Variants in UGP2 observed in about 807,000 individuals in gnomAD.
The protein encoded by UGP2 is UTP--glucose-1-phosphate uridylyltransferase.
UGP2 carries 40 observed loss-of-function variants against 49.0 expected under a neutral mutation model. The ratio of observed to expected loss-of-function variants is 0.82; its 90% CI spans 0.63 to 1.06. The LOEUF (loss-of-function observed/expected upper bound fraction) is 1.06, where lower values mean the gene tolerates loss of function less well. Among genes scored for constraint, UGP2 ranks in the 50% least tolerant of loss-of-function variants. The probability of loss-of-function intolerance (pLI) is 0.00; values close to 1 mark genes in which losing one functional copy is unlikely to be tolerated. For synonymous variants in UGP2, 225 were observed against 213.0 expected (o/e 1.06, Z -0.49); for missense variants, 460 against 603.5 (o/e 0.76, Z 2.49).
intron 1 of UGP2, among the ~76,000 whole-genome samples, chr2:63,853,086 G>T (rs1234495451): frequency 3.3e-5 from 5 of 152,068 alleles, no homozygotes; most frequent in Non-Finnish European, 5.9e-5. Context: ...AAATGGTCTG[G>T]GGACAGAATT....
At chr2:63,849,704 A>G (rs1310044812) in intron 1 of UGP2, among the ~76,000 whole-genome samples, 2 of 152,216 alleles carry the variant, frequency 1.3e-5, no homozygotes, top group Non-Finnish European at 2.9e-5. Flanking sequence ...ATGTAAATAC[A>G]CTGTAACTGA....
intron 7 of UGP2, among the ~76,000 whole-genome samples, 159 bp downstream of exon 7, chr2:63,886,697 C>T (rs1309580864): frequency 1.3e-5 from 2 of 152,148 alleles, no homozygotes; most frequent in African/African-American, 4.8e-5. Context: ...CCAGAATCTG[C>T]TGTCACCCCT....
In UGP2 at chr2:63,879,493, A is replaced by G. The variant is rs564947148; in HGVS notation, c.256-2973A>G. On this transcript the variant is annotated intron_variant, in intron 3 of 9. Coordinates refer to ENST00000337130, the MANE Select transcript of UGP2 (RefSeq NM_006759.4). ...GAATATTCAAATAACAACAAACTCA[A>G]TGATATCCCTTGTTTAAGTTCCTGA... is the stretch of plus-strand genomic sequence containing the variant. 7.2e-5 allele frequency among the ~76,000 whole-genome samples: 11 copies of G among 152,352 alleles called. No homozygotes were observed. In the South Asian group the frequency reaches 8.3e-4, roughly 11 times the overall value.
chr2:63,860,868 G>T (rs1473500745), intron 3 of UGP2, among the ~76,000 whole-genome samples: 1 of 146,280 alleles, frequency 6.8e-6, no homozygotes, highest in Non-Finnish European at 1.5e-5. Flanking sequence ...CCACTTTTTA[G>T]ATAAAAATAG....
At chr2:63,860,762 A>ATTTTTTTTTT (rs556819048) in intron 3 of UGP2, among the ~76,000 whole-genome samples, 3 of 123,688 alleles carry the variant, frequency 2.4e-5, no homozygotes, top group Non-Finnish European at 5.0e-5. Flanking sequence ...GGCCCAGCTA[A>ATTTTTTTTTT]TTTTTTTTTT....
At chr2:63,855,277 A>G in intron 1 of UGP2, 5 of 337,234 alleles carry the variant, frequency 1.5e-5, no homozygotes, top group South Asian at 1.2e-4. Context: ...TGATTCTGCT[A>G]AATTAACAGG....
upstream of UGP2, chr2:63,841,803 G>T: frequency 5.4e-6 from 1 of 184,836 alleles, no homozygotes; most frequent in South Asian, 1.1e-4. Context: ...GTACAGCCCT[G>T]GAGGGCGTGG....
intron 1 of UGP2, among the ~76,000 whole-genome samples, chr2:63,850,334 C>G (rs1668966547): frequency 6.6e-6 from 1 of 152,058 alleles, no homozygotes; most frequent in African/African-American, 2.4e-5. Flanking sequence ...CATTTATTAA[C>G]CATTCATATG....
chr2:63,869,922 A>ATTTTT (rs71393337), intron 3 of UGP2, among the ~76,000 whole-genome samples: 1 of 135,482 alleles, frequency 7.4e-6, no homozygotes, highest in African/African-American at 2.7e-5. Context: ...ATTAAAATTA[A>ATTTTT]TTTTTTTTTT....
chr2:63,888,681 A>G (rs182173141), intron 8 of UGP2: 1 of 152,372 alleles, frequency 6.6e-6, no homozygotes, highest in Non-Finnish European at 1.5e-5. Context: ...TAACATGCAC[A>G]TCTTTGGGAT....
At chr2:63,857,249 C>T (rs904406028) in intron 2 of UGP2, among the ~76,000 whole-genome samples, 4 of 150,074 alleles carry the variant, frequency 2.7e-5, no homozygotes, top group African/African-American at 2.5e-5. Flanking sequence ...TGTAGTGAGC[C>T]GAGATTGCGC....
At chr2:63,862,366 T>A (rs909929195) in intron 3 of UGP2, among the ~76,000 whole-genome samples, 1 of 152,054 alleles carries the variant, frequency 6.6e-6, no homozygotes, top group African/African-American at 2.4e-5. Context: ...ATTTAGCAAA[T>A]ATTGCCAAAG....
chr2:63,846,889 T>A (rs2104244045), intron 1 of UGP2, among the ~76,000 whole-genome samples: 1 of 152,312 alleles, frequency 6.6e-6, no homozygotes, highest in East Asian at 1.9e-4. Flanking sequence ...AAGATCTGAT[T>A]TAAGATTTAT....
intron 9 of UGP2, among the ~76,000 whole-genome samples, chr2:63,890,591 T>A (rs181853070): frequency 9.8e-5 from 15 of 152,310 alleles, no homozygotes; most frequent in Non-Finnish European, 1.5e-4. Flanking sequence ...TGTAATTTTT[T>A]AAAAAATCTC....
Position 63,891,157 on chromosome 2 carries a change from T to G in UGP2, c.1457T>G (p.Ile486Ser). Residue 486 changes from isoleucine (I) to serine (S), a missense_variant, in exon 10 of 10, where the codon ATT (isoleucine) becomes AGT (serine). Ile to Ser is a moderately radical substitution (Grantham distance 142). Transcript: ENST00000337130. The part of the protein sequence containing the change: ...VIIIANHGDR[I>S]DIPPGAVLEN... ...ATCATTGCAAATCATGGTGACAGAA[T>G]TGATATCCCACCTGGAGCAGTATTA... The G allele has an allele frequency of 6.2e-7, 1 of 1,613,766 alleles. No homozygotes were observed. The highest frequency in any genetic ancestry group is 8.5e-7 in the Non-Finnish European group (1 of 1,179,804).
chr2:63,868,101 C>G (rs1361544936), intron 3 of UGP2, among the ~76,000 whole-genome samples: 1 of 152,218 alleles, frequency 6.6e-6, no homozygotes, highest in Non-Finnish European at 1.5e-5. Flanking sequence ...GGTTTTATGT[C>G]TACCAAACTC....
Position 63,891,512 on chromosome 2 carries a change from A to G in UGP2, c.*285A>G, listed in dbSNP as rs1361662310. ...AGAACTTTTAACAGAAGCCTCAATGATGATCACTTTGAATTGCTTGTGATT... is the reference window on the plus strand; with the variant it reads ...AGAACTTTTAACAGAAGCCTCAATGGTGATCACTTTGAATTGCTTGTGATT... On this transcript the variant is annotated 3_prime_UTR_variant, in exon 10 of 10. Coordinates refer to ENST00000337130, the MANE Select transcript of UGP2 (RefSeq NM_006759.4). The G allele has an allele frequency of 8.5e-6, 2 of 234,782 alleles. No individual in the cohort carries two copies. The highest frequency in any genetic ancestry group is 4.6e-5 in the African/African-American group (2 of 43,942). The allele number at this position is 234,782 out of a possible 1,614,324, so 14.5% of individuals were successfully genotyped here. A position where few individuals can be genotyped will look rare whatever the true frequency, so the allele number is the denominator to read the frequency against.
At chr2:63,866,947 C>T (rs189588201) in intron 3 of UGP2, among the ~76,000 whole-genome samples, 5 of 152,244 alleles carry the variant, frequency 3.3e-5, no homozygotes, top group African/African-American at 1.2e-4. Flanking sequence ...GGTTCTTGGT[C>T]ACTGTTACTG....
chr2:63,855,943 A>C (rs1669387009), intron 1 of UGP2: 1 of 212,668 alleles, frequency 4.7e-6, no homozygotes, highest in African/African-American at 2.4e-5. Flanking sequence ...GGCTATGCCA[A>C]AAGCATTAAA....
Sources: gnomAD v4.1 joint callset for allele counts (sites outside exome capture counted in the v4.1 genomes callset) on GRCh38, gnomAD v4.1.1 for gene constraint, MANE v1.5 for transcripts, NCBI Gene and HGNC (gene_info 2026-07-23, HGNC 2026-07-21) for gene names.